Variants in TNRC18 observed in about 807,000 individuals in gnomAD.
The protein encoded by TNRC18 is trinucleotide repeat-containing gene 18 protein.
Under a neutral mutation model 226.7 loss-of-function variants are expected in TNRC18, and 69 were observed. The ratio of observed to expected loss-of-function variants is 0.30; its 90% CI spans 0.25 to 0.37. TNRC18 has a LOEUF of 0.37. TNRC18 is among the 10% of genes least tolerant of loss of function. The pLI is 1.00. For synonymous variants in TNRC18, 2,449 were observed against 1,927.6 expected (o/e 1.27, Z -7.09); for missense variants, 4,754 against 4,256.6 (o/e 1.12, Z -3.25).
At chr7:5,325,430 T>G (rs1562494580) in intron 19 of TNRC18, 182 bp from the exon 20 acceptor site, 58 of 583,656 alleles carry the variant, frequency 9.9e-5, no homozygotes, top group East Asian at 2.1e-4. Context: ...TTTTTTTTGT[T>G]TTTTTTTTTT....
At position 5,361,654 on chromosome 7, in the gene TNRC18, TG is replaced by T; in HGVS notation, c.4600del (p.His1534ThrfsTer22). On this transcript the variant is annotated frameshift_variant, in exon 14 of 30. Transcript: ENST00000430969. LOFTEE classifies it high-confidence loss of function. ...GGGGGGCGACAGGGCGCTCGGGGCGTGGGTCCGTTTCCGCGGCCTGCCAGGG... is the reference window on the plus strand; with the variant it reads ...GGGGGGCGACAGGGCGCTCGGGGCGTGGTCCGTTTCCGCGGCCTGCCAGGG... ...RGPGRPRKRTHAPSALSPPRK... is the reference protein window; with the variant it reads ...RGPGRPRKRTXAPSALSPPRK... 1 of 1,560,008 alleles carries T rather than the reference TG, an allele frequency of 6.4e-7. No individual in the cohort carries two copies.
chr7:5,376,968 C>T lies in TNRC18; in HGVS notation c.2487G>A (p.Gln829=), dbSNP rs1779026182. 6.3e-7 allele frequency: 1 copy of T among 1,586,234 alleles called. No individual in the cohort carries two copies. The highest frequency in any genetic ancestry group is 8.6e-7 in the Non-Finnish European group (1 of 1,166,642). The change falls in exon 8 of 30, where the codon CAG becomes CAA. Residue 829 remains glutamine (Q), a synonymous_variant. Coordinates refer to ENST00000430969, the MANE Select transcript of TNRC18 (RefSeq NM_001080495.3). ...CAGGTGGGAACGCAGGGGCCATGCCCTGGTGCAGAGATGGGGGACCCAAGC... is the reference window on the plus strand; with the variant it reads ...CAGGTGGGAACGCAGGGGCCATGCCTTGGTGCAGAGATGGGGGACCCAAGC... ...PYGLGPPSLH[Q]GMAPAFPPGL... is the part of the protein sequence containing the mutation.
intron 18 of TNRC18, among the ~76,000 whole-genome samples, chr7:5,333,646 T>A (rs745399669): frequency 2.0e-5 from 3 of 150,902 alleles, no homozygotes; most frequent in African/African-American, 7.3e-5. Flanking sequence ...GCTGCTTGAA[T>A]GCACAGCCTC....
At chr7:5,420,714 G>A (rs893311724) in intron 2 of TNRC18, 20 of 545,130 alleles carry the variant, frequency 3.7e-5, no homozygotes, top group East Asian at 3.5e-4. Context: ...GGGGTGCGGG[G>A]GCCGGTTTGT....
In TNRC18 at chr7:5,378,010, C is replaced by A. The variant is rs755444723; in HGVS notation, c.2167G>T (p.Asp723Tyr). 3.1e-6 allele frequency: 5 copies of A among 1,611,614 alleles called. No individual in the cohort carries two copies. Among genetic ancestry groups the A allele is most frequent in the Non-Finnish European group, 4.2e-6 (5 of 1,179,720 alleles). ...LSNVKGHGRADEDCVDDRARH... is the reference protein window; with the variant it reads ...LSNVKGHGRAYEDCVDDRARH... ...GCCCGGTCGTCCACACAGTCCTCAT[C>A]TGCTCGGCCGTGCCCTGCAGGGGGC... The change falls in exon 6 of 30, where the codon GAT becomes TAT. Residue 723 changes from aspartate (D) to tyrosine (Y), a missense_variant. Asp to Tyr is a radical substitution (Grantham distance 160). Transcript: ENST00000430969.
intron 2 of TNRC18, among the ~76,000 whole-genome samples, chr7:5,419,330 GC>G (rs982475648): frequency 6.6e-6 from 1 of 152,198 alleles, no homozygotes; most frequent in Admixed American, 6.5e-5. Context: ...AGTGCGCGAC[GC>G]CCCTTCCCAG....
chr7:5,383,179 A>C (rs1042700815), intron 5 of TNRC18, among the ~76,000 whole-genome samples: 3 of 152,192 alleles, frequency 2.0e-5, no homozygotes, highest in Non-Finnish European at 2.9e-5. Context: ...CTGGGATTAC[A>C]GGCATGAGCC....
chr7:5,329,998 A>G (rs1445925140), intron 19 of TNRC18: 2 of 470,922 alleles, frequency 4.2e-6, no homozygotes, highest in African/African-American at 2.0e-5. Context: ...ATTGTTGACA[A>G]ATGGAGGCTC....
In TNRC18 at chr7:5,421,041, C is replaced by A; in HGVS notation, c.187+19G>T. On this transcript the variant is annotated intron_variant, in intron 2 of 29. Coordinates refer to ENST00000430969, the MANE Select transcript of TNRC18 (RefSeq NM_001080495.3). ...CCCTGGGAAGACAGGAGGGGACGGG[C>A]ACGGCGCGGGGCACTTACCCGGGTG... 1 of 1,532,732 alleles carries A rather than the reference C, an allele frequency of 6.5e-7. No individual in the cohort carries two copies. The highest frequency in any genetic ancestry group is 8.8e-7 in the Non-Finnish European group (1 of 1,132,810). 94.9% of individuals were successfully genotyped at this position (1,532,732 alleles called of 1,614,324 possible).
At position 5,376,025 on chromosome 7, in the gene TNRC18, C is replaced by T; in HGVS notation, c.2799+9G>A. 3 of 1,584,994 alleles carry T rather than the reference C, an allele frequency of 1.9e-6. No homozygotes were observed. Among genetic ancestry groups the T allele is most frequent in the Non-Finnish European group, 2.6e-6 (3 of 1,167,414 alleles). ...CAGAGGGAGCTGCGCCTCATCCTCC[C>T]CGACTTACCACGAGCTGGGCGCTCC... is the stretch of plus-strand genomic sequence containing the variant. On this transcript the variant is annotated intron_variant, in intron 9 of 29. Coordinates refer to ENST00000430969, the MANE Select transcript of TNRC18 (RefSeq NM_001080495.3).
At chr7:5,415,425 G>A (rs145269964) in intron 2 of TNRC18, among the ~76,000 whole-genome samples, 2,571 of 139,932 alleles carry the variant, frequency 0.018, 78 homozygotes, top group African/African-American at 0.066. Context: ...CGCCCAGGCT[G>A]GAGTGCAGTG....
In TNRC18 at chr7:5,313,092, C is replaced by T. The variant is rs750090899; in HGVS notation, c.7799G>A (p.Arg2600His). ...NGDGGCGTGGRNCSAASSRAA... is the reference protein window; with the variant it reads ...NGDGGCGTGGHNCSAASSRAA... The stretch of plus-strand genomic sequence containing the variant: ...CCTGGAGCTGGCAGCGCTGCAGTTA[C>T]GGCCCCCGGTGCCGCAGCCCCCGTC... Residue 2600 changes from arginine (R) to histidine (H), a missense_variant, in exon 27 of 30, where the codon CGT becomes CAT. By Grantham distance (29) the Arg-to-His change is conservative (BLOSUM62 0). Transcript: ENST00000430969. 134 of 1,338,010 alleles carry T rather than the reference C, an allele frequency of 1.0e-4. No individual in the cohort carries two copies. The highest frequency in any genetic ancestry group is 1.3e-4 in the Non-Finnish European group (123 of 964,666). 82.9% of individuals were successfully genotyped at this position (1,338,010 alleles called of 1,614,324 possible). A position where few individuals can be genotyped will look rare whatever the true frequency, so the allele number is the denominator to read the frequency against.
At chr7:5,391,396 C>G (rs577704937) in intron 3 of TNRC18, among the ~76,000 whole-genome samples, 12 of 152,050 alleles carry the variant, frequency 7.9e-5, no homozygotes, top group South Asian at 4.2e-4. Context: ...ACTGCAACCT[C>G]CACCTCCTTA....
In TNRC18 at chr7:5,313,075, T is replaced by C; in HGVS notation, c.7816A>G (p.Ser2606Gly). The C allele has an allele frequency of 8.4e-7, 1 of 1,188,200 alleles. No homozygotes were observed. Among genetic ancestry groups the C allele is most frequent in the Non-Finnish European group, 1.2e-6 (1 of 828,104 alleles). The allele number at this position is 1,188,200 out of a possible 1,614,324, so 73.6% of individuals were successfully genotyped here. The change falls in exon 27 of 30, where the codon AGC (serine) becomes GGC (glycine). Residue 2606 changes from serine to glycine, a missense_variant. By Grantham distance (56) the Ser-to-Gly change is moderately conservative. Coordinates refer to ENST00000430969, the MANE Select transcript of TNRC18 (RefSeq NM_001080495.3). ...GTGGRNCSAA[S>G]SRAASPASSS... is the part of the protein sequence containing the mutation. ...GAGGCCGGTGAGGCCGCCCTGGAGCTGGCAGCGCTGCAGTTACGGCCCCCG... is the reference window on the plus strand; with the variant it reads ...GAGGCCGGTGAGGCCGCCCTGGAGCCGGCAGCGCTGCAGTTACGGCCCCCG...
chr7:5,326,596 C>A (rs1037735071), intron 19 of TNRC18, among the ~76,000 whole-genome samples: 3 of 151,520 alleles, frequency 2.0e-5, no homozygotes, highest in African/African-American at 7.3e-5. Flanking sequence ...CAGACATGTA[C>A]CGCCATGCCC....
intron 9 of TNRC18, among the ~76,000 whole-genome samples, chr7:5,375,412 A>G (rs1794563241): frequency 6.6e-6 from 1 of 152,216 alleles, no homozygotes; most frequent in African/African-American, 2.4e-5. Context: ...CAACCCAAGG[A>G]CTAGGCAACG....
chr7:5,362,079 C>T (rs1294540720), intron 12 of TNRC18, 46 bp from the exon 13 acceptor site: 1 of 1,595,190 alleles, frequency 6.3e-7, no homozygotes, highest in African/African-American at 1.3e-5. Context: ...GATGCCACTG[C>T]CTAACGACGC....
At chr7:5,340,791 A>G (rs919254569) in intron 18 of TNRC18, among the ~76,000 whole-genome samples, 1 of 152,126 alleles carries the variant, frequency 6.6e-6, no homozygotes, top group Non-Finnish European at 1.5e-5. Flanking sequence ...CATAACATAA[A>G]AATGCAAGGA....
intron 2 of TNRC18, among the ~76,000 whole-genome samples, chr7:5,401,146 A>G (rs1781056632): frequency 6.9e-6 from 1 of 145,350 alleles, no homozygotes; most frequent in Admixed American, 7.2e-5. Flanking sequence ...CACCAATGCA[A>G]TCTTCCCTCT....
Sources: allele counts gnomAD v4.1 joint callset (sites outside exome capture counted in the v4.1 genomes callset), GRCh38; gene constraint gnomAD v4.1.1; transcripts MANE v1.5; gene names NCBI Gene and HGNC (gene_info 2026-07-23, HGNC 2026-07-21).